Variants in PHAF1 observed in about 807,000 individuals in gnomAD.
The protein encoded by PHAF1 is phagosome assembly factor 1.
PHAF1 carries 23 observed loss-of-function variants against 63.1 expected under a neutral mutation model. The observed-to-expected ratio is 0.36, with a 90% CI of 0.26 to 0.52. The LOEUF (loss-of-function observed/expected upper bound fraction) is 0.52, where lower values mean the gene tolerates loss of function less well. PHAF1 is among the 20% of genes least tolerant of loss of function. PHAF1 has a pLI of 0.93. For synonymous variants in PHAF1, 167 were observed against 185.0 expected (o/e 0.90, Z 0.79); for missense variants, 427 against 517.2 (o/e 0.83, Z 1.69).
At chr16:67,136,149 C>A (rs1159984349) in intron 8 of PHAF1, 1 of 152,174 alleles carries the variant, frequency 6.6e-6, no homozygotes, top group African/African-American at 2.4e-5. Flanking sequence ...GCTAAAAATA[C>A]AAAAATTAGC....
In PHAF1 at chr16:67,147,077, C is replaced by T. The variant is rs748837032; in HGVS notation, c.1215C>T (p.Thr405=). ...VMQNNHIASV[T]LYGPPRPGSH... ...AGAACAACCACATTGCCTCGGTGAC[C>T]CTGTATGGCCCCCCCAGGCCTGGTA... is the stretch of plus-strand genomic sequence containing the variant. The change falls in exon 16 of 16, where the codon ACC becomes ACT. Residue 405 remains threonine, a synonymous_variant. Transcript: ENST00000219139. 2 of 1,614,098 alleles carry T rather than the reference C, an allele frequency of 1.2e-6. No individual in the cohort carries two copies. The highest frequency in any genetic ancestry group is 1.1e-5 in the South Asian group (1 of 91,068).
chr16:67,132,919 C>T lies in PHAF1; in HGVS notation c.450+8C>T. The T allele has an allele frequency of 1.3e-6, 2 of 1,583,638 alleles. No individual in the cohort carries two copies. The highest frequency in any genetic ancestry group is 1.7e-6 in the Non-Finnish European group (2 of 1,152,994). On this transcript the variant is annotated splice_region_variant and intron_variant, in intron 6 of 15. Coordinates refer to ENST00000219139, the MANE Select transcript of PHAF1 (RefSeq NM_025187.5). Reference sequence around the variant, plus strand: ...GAGGCTCCAAAGTATGAGGTTAGCCCTTCCTGTCCCCTGGTGTTTGTTGTA... The same window carrying T: ...GAGGCTCCAAAGTATGAGGTTAGCCTTTCCTGTCCCCTGGTGTTTGTTGTA...
At chr16:67,133,977 A>G (rs112566428) in intron 6 of PHAF1, among the ~76,000 whole-genome samples, 191 bp from the exon 7 acceptor site, 1 of 151,698 alleles carries the variant, frequency 6.6e-6, no homozygotes, top group Admixed American at 6.6e-5. Flanking sequence ...AAGGAAAACC[A>G]AGCAGAATTA....
intron 8 of PHAF1, chr16:67,134,891 A>G (rs1963555356): frequency 2.8e-6 from 1 of 354,964 alleles, no homozygotes; most frequent in Non-Finnish European, 5.6e-6. Flanking sequence ...TTAGGGGAAC[A>G]AAAGCATTCA....
chr16:67,132,317 CT>C, intron 4 of PHAF1, 128 bp from the exon 5 acceptor site: 1 of 810,164 alleles, frequency 1.2e-6, no homozygotes, highest in East Asian at 2.6e-5. Context: ...TCTAATTAAG[CT>C]TTGTATTTTG....
At chr16:67,142,674 C>T (rs1479554862) in intron 10 of PHAF1, among the ~76,000 whole-genome samples, 2 of 151,914 alleles carry the variant, frequency 1.3e-5, no homozygotes, top group East Asian at 1.9e-4. Flanking sequence ...TCAAGCCTGC[C>T]GGGGCAAGGG....
At chr16:67,134,763 G>T (rs1184714106) in intron 8 of PHAF1, 2 of 512,366 alleles carry the variant, frequency 3.9e-6, no homozygotes, top group Non-Finnish European at 7.6e-6. Flanking sequence ...CCTGGAGTCT[G>T]TTTTTTAACG....
chr16:67,127,405 A>G (rs1486311107), intron 3 of PHAF1, among the ~76,000 whole-genome samples: 1 of 152,216 alleles, frequency 6.6e-6, no homozygotes, highest in Non-Finnish European at 1.5e-5. Flanking sequence ...ATGGAAAGAG[A>G]ATCAGTATGT....
chr16:67,133,815 C>T (rs972002860), intron 6 of PHAF1, among the ~76,000 whole-genome samples: 54 of 151,214 alleles, frequency 3.6e-4, no homozygotes, highest in African/African-American at 1.3e-3. Flanking sequence ...TGTGGTGGTG[C>T]ACACTTGTAG....
chr16:67,132,596 C>T, intron 5 of PHAF1, 71 bp downstream of exon 5: 1 of 1,472,256 alleles, frequency 6.8e-7, no homozygotes, highest in Non-Finnish European at 9.5e-7. Flanking sequence ...CCGGTAGTGC[C>T]ATCCCACCCC....
chr16:67,130,035 T>C (rs1397597533), intron 3 of PHAF1, among the ~76,000 whole-genome samples: 1 of 152,174 alleles, frequency 6.6e-6, no homozygotes, highest in Admixed American at 6.5e-5. Context: ...AACTTCAAAA[T>C]AAGCTATTTT....
At chr16:67,114,692 G>T (rs1214662154) in intron 1 of PHAF1, among the ~76,000 whole-genome samples, 2 of 152,190 alleles carry the variant, frequency 1.3e-5, no homozygotes, top group African/African-American at 4.8e-5. Flanking sequence ...TCCCAATTCT[G>T]TTTGGTTATA....
At chr16:67,145,351 C>A (rs755654066) in intron 12 of PHAF1, 25 bp from the exon 13 acceptor site, 55 of 1,613,670 alleles carry the variant, frequency 3.4e-5, no homozygotes. Flanking sequence ...AGCTACAAAT[C>A]TGCCCCACTG....
chr16:67,145,826 C>T (rs2030009310), intron 14 of PHAF1, among the ~76,000 whole-genome samples, 198 bp downstream of exon 14: 1 of 152,190 alleles, frequency 6.6e-6, no homozygotes, highest in African/African-American at 2.4e-5. Flanking sequence ...GAGAGAATGT[C>T]CCCAGGGGTA....
intron 1 of PHAF1, among the ~76,000 whole-genome samples, chr16:67,119,289 T>G (rs551073762): frequency 1.1e-4 from 17 of 152,274 alleles, no homozygotes; most frequent in African/African-American, 4.1e-4. Context: ...TTACTTTGCT[T>G]TCTCTGAGCG....
At chr16:67,140,758 A>G (rs576671932) in intron 10 of PHAF1, among the ~76,000 whole-genome samples, 164 bp downstream of exon 10, 3 of 152,346 alleles carry the variant, frequency 2.0e-5, no homozygotes, top group Admixed American at 2.0e-4. Flanking sequence ...CTGGTACTCC[A>G]AAGTAGACCT....
At chr16:67,144,761 G>A in intron 11 of PHAF1, 73 bp from the exon 12 acceptor site, 3 of 1,504,794 alleles carry the variant, frequency 2.0e-6, no homozygotes, top group Non-Finnish European at 2.8e-6. Flanking sequence ...TTCTCCTGGG[G>A]TGTGGGGTTG....
At chr16:67,128,986 T>C (rs1028900763) in intron 3 of PHAF1, among the ~76,000 whole-genome samples, 8 of 152,138 alleles carry the variant, frequency 5.3e-5, no homozygotes, top group African/African-American at 1.9e-4. Flanking sequence ...CTTTGGGGGA[T>C]GACTGGCCAG....
At chr16:67,123,293 T>C (rs145621569) in intron 2 of PHAF1, among the ~76,000 whole-genome samples, 1,872 of 151,964 alleles carry the variant, frequency 0.012, 27 homozygotes, top group Non-Finnish European at 0.017. Flanking sequence ...AAAAAAAAAT[T>C]TGGCCAGGTG....
Sources: allele counts gnomAD v4.1 joint callset (sites outside exome capture counted in the v4.1 genomes callset), GRCh38; gene constraint gnomAD v4.1.1; transcripts MANE v1.5; gene names NCBI Gene and HGNC (gene_info 2026-07-23, HGNC 2026-07-21).